TTLL11: variants seen among roughly 807,000 people sequenced by gnomAD.
The protein encoded by TTLL11 is tubulin tyrosine ligase like 11.
A neutral mutation model predicts 51.7 loss-of-function variants in TTLL11; 42 were observed. The ratio of observed to expected loss-of-function variants is 0.81; its 90% CI spans 0.64 to 1.05. The LOEUF is 1.05. Among genes scored for constraint, TTLL11 ranks in the 50% least tolerant of loss-of-function variants. The probability of loss-of-function intolerance (pLI) is 0.00; values close to 1 mark genes in which losing one functional copy is unlikely to be tolerated. For synonymous variants in TTLL11, 381 were observed against 383.5 expected (o/e 0.99, Z 0.08); for missense variants, 799 against 940.4 (o/e 0.85, Z 1.97).
At chr9:121,881,088 C>T (rs6478545) in intron 6 of TTLL11, among the ~76,000 whole-genome samples, 110,613 of 152,190 alleles carry the variant, frequency 0.73, 40,733 homozygotes, top group East Asian at 0.9. Flanking sequence ...TATATGACAA[C>T]TGTAATCAGT....
At chr9:121,967,596 G>A (rs964111434) in intron 6 of TTLL11, among the ~76,000 whole-genome samples, 3 of 152,168 alleles carry the variant, frequency 2.0e-5, no homozygotes, top group Admixed American at 6.5e-5. Context: ...AGCAATAAAT[G>A]AGGAGTCTGG....
intron 8 of TTLL11, among the ~76,000 whole-genome samples, chr9:121,852,951 G>C (rs1837709432): frequency 6.6e-6 from 1 of 152,248 alleles, no homozygotes; most frequent in Admixed American, 6.5e-5. Flanking sequence ...CTGTATTTCA[G>C]GGGGAGGGGG....
chr9:121,846,982 G>A (rs772217546), intron 8 of TTLL11, among the ~76,000 whole-genome samples: 29 of 152,170 alleles, frequency 1.9e-4, no homozygotes, highest in Admixed American at 7.2e-4. Context: ...AGGCCGAGGC[G>A]GGCGGATCAC....
chr9:121,999,641 T>C (rs1354449343), intron 3 of TTLL11, among the ~76,000 whole-genome samples: 2 of 152,216 alleles, frequency 1.3e-5, no homozygotes, highest in Non-Finnish European at 2.9e-5. Context: ...CATACATTAG[T>C]TTCCATTCTA....
chr9:121,960,210 A>T (rs1337429899), intron 6 of TTLL11, among the ~76,000 whole-genome samples: 1 of 152,140 alleles, frequency 6.6e-6, no homozygotes, highest in Non-Finnish European at 1.5e-5. Context: ...GTTGAACTGT[A>T]CTGTAGATGT....
At chr9:121,992,893 A>C (rs928875132) in intron 3 of TTLL11, among the ~76,000 whole-genome samples, 8 of 152,244 alleles carry the variant, frequency 5.3e-5, no homozygotes, top group Non-Finnish European at 7.3e-5. Flanking sequence ...CTACTAAGAC[A>C]TTAAAATGGT....
intron 1 of TTLL11, among the ~76,000 whole-genome samples, chr9:122,048,893 TTAAGCACAAGGAGAGCCCATGATCATCAG>T (rs1845086845): frequency 6.6e-6 from 1 of 152,080 alleles, no homozygotes. Context: ...TGCAAACTCC[TTAAGCACAAGGAGAGCCCATGATCATCAG>T]TGTATCCCTA....
At chr9:122,030,265 A>C (rs1405485580) in intron 3 of TTLL11, among the ~76,000 whole-genome samples, 1 of 151,302 alleles carries the variant, frequency 6.6e-6, no homozygotes, top group Non-Finnish European at 1.5e-5. Flanking sequence ...ACTTTATTGA[A>C]GCATAGTTTG....
At chr9:121,957,035 C>T (rs7863092) in intron 6 of TTLL11, among the ~76,000 whole-genome samples, 11,721 of 152,130 alleles carry the variant, frequency 0.077, 680 homozygotes, top group African/African-American at 0.16. Context: ...TCTGATGCCC[C>T]GCTGTGCCCT....
intron 1 of TTLL11, among the ~76,000 whole-genome samples, chr9:122,075,678 ATC>A (rs1845841455): frequency 6.6e-6 from 1 of 152,234 alleles, no homozygotes; most frequent in South Asian, 2.1e-4. Flanking sequence ...TGCCATAAAA[ATC>A]CAGTAAGATG....
chr9:121,873,394 T>A (rs1299057177), intron 6 of TTLL11, among the ~76,000 whole-genome samples: 1 of 151,496 alleles, frequency 6.6e-6, no homozygotes. Context: ...TTTTTTTTTT[T>A]TTTTTTTGGC....
intron 1 of TTLL11, among the ~76,000 whole-genome samples, chr9:122,069,889 C>T (rs1041305247): frequency 6.6e-6 from 1 of 151,892 alleles, no homozygotes; most frequent in Non-Finnish European, 1.5e-5. Flanking sequence ...TGGACTTGCT[C>T]CTGCTCATCA....
In TTLL11 at chr9:121,853,691, C is replaced by T. The variant is rs1564273670; in HGVS notation, c.1840+6646G>A. On this transcript the variant is annotated intron_variant, in intron 8 of 8. Coordinates refer to ENST00000321582, the MANE Select transcript of TTLL11 (RefSeq NM_001139442.2). This position sits in a 1 kb window ranked among gnomAD's most constrained non-coding sequence, Gnocchi z 5.6. ...GGCTCCTGCTTCACACAGCCATGGA[C>T]GAGGCTGCCAGCACCACATTTCCTC... Among the ~76,000 whole-genome samples the T allele has an allele frequency of 6.6e-6, 1 of 152,200 alleles. No individual in the cohort carries two copies. The highest frequency in any genetic ancestry group is 2.4e-5 in the African/African-American group (1 of 41,446).
intron 1 of TTLL11, among the ~76,000 whole-genome samples, chr9:122,092,182 C>T (rs1846275801): frequency 6.6e-6 from 1 of 152,240 alleles, no homozygotes; most frequent in East Asian, 1.9e-4. Flanking sequence ...AGGTAATAGG[C>T]TGAAGAGGTG....
intron 1 of TTLL11, among the ~76,000 whole-genome samples, chr9:122,049,450 T>C (rs1004585553): frequency 6.6e-6 from 1 of 152,150 alleles, no homozygotes; most frequent in Admixed American, 6.5e-5. Context: ...TCAAGGCCCA[T>C]GCACTTAAGC....
At chr9:122,053,205 G>C (rs1845206566) in intron 1 of TTLL11, among the ~76,000 whole-genome samples, 1 of 152,184 alleles carries the variant, frequency 6.6e-6, no homozygotes, top group Non-Finnish European at 1.5e-5. Context: ...TGTGTGGGCA[G>C]ATCTGCAAAT....
chr9:122,018,637 T>G (rs886356568), intron 3 of TTLL11, among the ~76,000 whole-genome samples: 6 of 152,188 alleles, frequency 3.9e-5, no homozygotes, highest in Middle Eastern at 3.2e-3. Context: ...ACCAAGATCC[T>G]GTAAGGAAGA....
At chr9:121,865,359 G>C (rs1159931557) in intron 7 of TTLL11, among the ~76,000 whole-genome samples, 1 of 152,146 alleles carries the variant, frequency 6.6e-6, no homozygotes, top group African/African-American at 2.4e-5. Flanking sequence ...TTCAAAAGGA[G>C]GCCCAGGATC....
At chr9:121,912,112 A>G (rs752495259) in intron 6 of TTLL11, among the ~76,000 whole-genome samples, 13 of 152,212 alleles carry the variant, frequency 8.5e-5, no homozygotes, top group Non-Finnish European at 1.3e-4. Flanking sequence ...TAGGGAACTT[A>G]CATGAATTTT....
Sources: allele counts gnomAD v4.1 joint callset (sites outside exome capture counted in the v4.1 genomes callset), GRCh38; gene constraint gnomAD v4.1.1; non-coding constraint Gnocchi (gnomAD v3.1); transcripts MANE v1.5; gene names NCBI Gene and HGNC (gene_info 2026-07-23, HGNC 2026-07-21).